The following TM9SF3 variants were observed in gnomAD, a reference collection of about 807,000 sequenced individuals.
The protein encoded by TM9SF3 is transmembrane 9 superfamily member 3.
A neutral mutation model predicts 78.6 loss-of-function variants in TM9SF3; 14 were observed. That is an observed-to-expected ratio of 0.18 (90% CI 0.12 to 0.28). The LOEUF (loss-of-function observed/expected upper bound fraction) is 0.28. Among genes scored for constraint, TM9SF3 ranks in the 10% least tolerant of loss-of-function variants. TM9SF3 has a pLI of 1.00. For missense variants in TM9SF3, 496 were observed against 721.9 expected (o/e 0.69, Z 3.59); for synonymous variants, 231 against 241.7 (o/e 0.96, Z 0.41).
intron 1 of TM9SF3, among the ~76,000 whole-genome samples, chr10:96,580,071 A>G (rs1380212240): frequency 6.6e-6 from 1 of 152,180 alleles, no homozygotes; most frequent in Non-Finnish European, 1.5e-5. Flanking sequence ...GGGATCCCTA[A>G]GCACGATAAT....
At chr10:96,546,976 A>G (rs1269757571) in intron 8 of TM9SF3, among the ~76,000 whole-genome samples, 2 of 152,228 alleles carry the variant, frequency 1.3e-5, no homozygotes, top group African/African-American at 4.8e-5. Context: ...AGACTACTGC[A>G]GGGAATACAA....
chr10:96,547,275 T>C (rs1202289164), intron 8 of TM9SF3, among the ~76,000 whole-genome samples: 3 of 152,196 alleles, frequency 2.0e-5, no homozygotes, highest in African/African-American at 4.8e-5. Context: ...TTTATATTCA[T>C]CTATAAAGCT....
intron 1 of TM9SF3, among the ~76,000 whole-genome samples, chr10:96,578,681 C>T (rs1848525214): frequency 1.3e-5 from 2 of 152,202 alleles, no homozygotes; most frequent in South Asian, 4.1e-4. Context: ...ACTAATCAAC[C>T]AAGTTACTCC....
intron 9 of TM9SF3, among the ~76,000 whole-genome samples, chr10:96,542,563 T>C (rs1434632934): frequency 6.6e-6 from 1 of 152,192 alleles, no homozygotes; most frequent in Non-Finnish European, 1.5e-5. Flanking sequence ...TTTTTACCAA[T>C]ATCAAATTCA....
intron 5 of TM9SF3, 97 bp downstream of exon 5, chr10:96,559,562 A>C: frequency 2.7e-6 from 2 of 733,884 alleles, no homozygotes; most frequent in Non-Finnish European, 4.1e-6. Context: ...TTTAATCCAC[A>C]GTCCTCAACA....
At position 96,520,887 on chromosome 10, in the gene TM9SF3, T is replaced by C. The variant is rs1847759586; in HGVS notation, c.*1376A>G. The C allele has an allele frequency of 7.6e-6, 3 of 397,192 alleles. No homozygotes were observed. The highest frequency in any genetic ancestry group is 8.9e-6 in the Non-Finnish European group (2 of 224,742). 24.6% of individuals were successfully genotyped at this position (397,192 alleles called of 1,614,324 possible). ...ACGGGTCCCCTGTATGAGAGTAGCATAGTTTATAGCATACTTTTAAAAATG... is the reference window on the plus strand; with the variant it reads ...ACGGGTCCCCTGTATGAGAGTAGCACAGTTTATAGCATACTTTTAAAAATG... On this transcript the variant is annotated 3_prime_UTR_variant, in exon 15 of 15. Transcript: ENST00000371142.
chr10:96,532,776 A>C (rs1254802699), intron 10 of TM9SF3, among the ~76,000 whole-genome samples: 1 of 152,170 alleles, frequency 6.6e-6, no homozygotes, highest in Non-Finnish European at 1.5e-5. Flanking sequence ...AGATTAGTAA[A>C]ACTGCAGCTT....
intron 5 of TM9SF3, among the ~76,000 whole-genome samples, chr10:96,557,917 T>C (rs1848254999): frequency 1.3e-5 from 2 of 152,214 alleles, no homozygotes; most frequent in Admixed American, 1.3e-4. Context: ...ACTTATTGTG[T>C]TTATTTCACG....
chr10:96,525,001 C>A (rs1246260936), intron 14 of TM9SF3, among the ~76,000 whole-genome samples: 1 of 151,910 alleles, frequency 6.6e-6, no homozygotes, highest in Non-Finnish European at 1.5e-5. Flanking sequence ...GAAAAGCACT[C>A]AAAAAATTTA....
chr10:96,538,490 T>G (rs1241608057), intron 9 of TM9SF3, among the ~76,000 whole-genome samples: 5 of 152,088 alleles, frequency 3.3e-5, no homozygotes, highest in African/African-American at 1.2e-4. Flanking sequence ...ACTTCTTAAA[T>G]GGAACAGAAA....
chr10:96,539,199 G>C (rs1847994202), intron 9 of TM9SF3, among the ~76,000 whole-genome samples: 1 of 152,160 alleles, frequency 6.6e-6, no homozygotes, highest in Admixed American at 6.5e-5. Context: ...GGCCGGGTGT[G>C]GTGGCTCGTA....
chr10:96,522,899 G>C (rs1158941085), intron 14 of TM9SF3, among the ~76,000 whole-genome samples: 9 of 151,798 alleles, frequency 5.9e-5, no homozygotes, highest in African/African-American at 2.2e-4. Flanking sequence ...TGCGGGAATA[G>C]ACAGGACAGA....
At chr10:96,569,498 G>A (rs1212823973) in intron 2 of TM9SF3, among the ~76,000 whole-genome samples, 1 of 152,154 alleles carries the variant, frequency 6.6e-6, no homozygotes, top group African/African-American at 2.4e-5. Context: ...TATATAAAGA[G>A]TACTGATTAA....
intron 1 of TM9SF3, chr10:96,577,577 G>A (rs1848512012): frequency 6.6e-6 from 1 of 152,174 alleles, no homozygotes; most frequent in Non-Finnish European, 1.5e-5. Context: ...CAAGTTTAAA[G>A]TTCCAATGAT....
intron 1 of TM9SF3, among the ~76,000 whole-genome samples, chr10:96,586,295 G>C (rs1848628684): frequency 6.6e-6 from 1 of 152,208 alleles, no homozygotes; most frequent in Non-Finnish European, 1.5e-5. Context: ...GTGGCTGCCG[G>C]GTAATCACGA....
intron 2 of TM9SF3, among the ~76,000 whole-genome samples, chr10:96,565,935 G>A (rs1589459695): frequency 6.6e-6 from 1 of 152,126 alleles, no homozygotes; most frequent in Non-Finnish European, 1.5e-5. Context: ...TCATAAGCAG[G>A]AAGATTAAAA....
At chr10:96,585,722 C>T (rs1417311281) in intron 1 of TM9SF3, among the ~76,000 whole-genome samples, 1 of 152,212 alleles carries the variant, frequency 6.6e-6, no homozygotes, top group East Asian at 1.9e-4. Context: ...TGACATAAGA[C>T]TCCCTCAGAT....
rs1848641847 is a variant in TM9SF3, at chr10:96,586,935, G to C, written c.-100C>G. ...TCCGCCGCGGCCGATTCGCATCCACGGGGCGCGGACAGACGCACGGGGCCC... is the reference window on the plus strand; with the variant it reads ...TCCGCCGCGGCCGATTCGCATCCACCGGGCGCGGACAGACGCACGGGGCCC... On this transcript the variant is annotated 5_prime_UTR_variant, in exon 1 of 15. Coordinates refer to ENST00000371142, the MANE Select transcript of TM9SF3 (RefSeq NM_020123.4). 6.0e-6 allele frequency: 6 copies of C among 994,502 alleles called. No homozygotes were observed. Among genetic ancestry groups the C allele is most frequent in the Non-Finnish European group, 6.3e-6 (5 of 799,610 alleles). 61.6% of individuals were successfully genotyped at this position (994,502 alleles called of 1,614,324 possible).
rs578005754 is a variant in TM9SF3 at position 96,560,148 on chromosome 10, C to T, written c.583-412G>A. 3.5e-5 allele frequency: 26 copies of T among 749,708 alleles called. No homozygotes were observed. The South Asian group carries it at 3.6e-4, about 10-fold the overall frequency. 46.4% of individuals were successfully genotyped at this position (749,708 alleles called of 1,614,324 possible). On this transcript the variant is annotated intron_variant, in intron 4 of 14. Coordinates refer to ENST00000371142, the MANE Select transcript of TM9SF3 (RefSeq NM_020123.4). ...TTGAGCAGAAGTCATTTATCTCCGT[C>T]TGCCTTCTTTCCCACCTAAATGCGT...
Sources: gnomAD v4.1 joint callset for allele counts (sites outside exome capture counted in the v4.1 genomes callset) on GRCh38, gnomAD v4.1.1 for gene constraint, MANE v1.5 for transcripts, NCBI Gene and HGNC (gene_info 2026-07-23, HGNC 2026-07-21) for gene names.